The following AFF4 variants were observed in gnomAD, a reference collection of about 807,000 sequenced individuals.
AFF4 encodes the protein AF4/FMR2 family member 4.
AFF4 carries 13 observed loss-of-function variants against 124.8 expected under a neutral mutation model. That is an observed-to-expected ratio of 0.10 (90% confidence interval 0.07 to 0.17). The LOEUF (loss-of-function observed/expected upper bound fraction) is 0.17, where lower values mean the gene tolerates loss of function less well. Among genes scored for constraint, AFF4 ranks in the 10% least tolerant of loss-of-function variants. The pLI is 1.00. For synonymous variants in AFF4, 477 were observed against 496.1 expected (o/e 0.96, Z 0.51); for missense variants, 1,092 against 1,403.8 (o/e 0.78, Z 3.55).
At chr5:132,910,526 T>C (rs1196581258) in intron 5 of AFF4, among the ~76,000 whole-genome samples, 1 of 152,190 alleles carries the variant, frequency 6.6e-6, no homozygotes, top group Non-Finnish European at 1.5e-5. Context: ...TACATATAGT[T>C]AGTGCACATG....
intron 2 of AFF4, among the ~76,000 whole-genome samples, chr5:132,935,517 T>G (rs890806930): frequency 1.3e-5 from 2 of 152,118 alleles, no homozygotes; most frequent in Non-Finnish European, 2.9e-5. Flanking sequence ...ACACCTATAA[T>G]TCCAGCACTT....
chr5:132,935,827 G>C (rs886620612), intron 2 of AFF4, among the ~76,000 whole-genome samples: 1 of 151,810 alleles, frequency 6.6e-6, no homozygotes, highest in African/African-American at 2.4e-5. Flanking sequence ...AGAGGCTGAG[G>C]CAGGAGAATC....
chr5:132,905,434 C>T (rs1165075782), intron 5 of AFF4, among the ~76,000 whole-genome samples: 2 of 152,176 alleles, frequency 1.3e-5, no homozygotes, highest in Admixed American at 6.5e-5. Flanking sequence ...CCTTTAGTTA[C>T]AGAATTGTCT....
intron 1 of AFF4, among the ~76,000 whole-genome samples, chr5:132,952,785 C>T (rs902759701): frequency 5.3e-5 from 8 of 152,064 alleles, no homozygotes; most frequent in African/African-American, 1.7e-4. Context: ...GTAATTCCAC[C>T]TACTCGAGAG....
Position 132,890,909 on chromosome 5 carries a change from TAC to T in AFF4, c.2637+1253_2637+1254del, listed in dbSNP as rs927987575. Reference sequence around the variant, plus strand: ...GAACTTCTTGAAGAAACTCCTTTCTTACGTGTGATAGAAGCATACACAGTGAT... The same window carrying T: ...GAACTTCTTGAAGAAACTCCTTTCTTGTGTGATAGAAGCATACACAGTGAT... On this transcript the variant is annotated intron_variant, in intron 13 of 20. Coordinates refer to ENST00000265343, the MANE Select transcript of AFF4 (RefSeq NM_014423.4). Among the ~76,000 whole-genome samples, 8 of 152,212 alleles carry T rather than the reference TAC, an allele frequency of 5.3e-5. 1 individual carries two copies. Among genetic ancestry groups the T allele is most frequent in the East Asian group, 3.9e-4 (2 of 5,182 alleles).
In AFF4 at chr5:132,902,435, A is replaced by C; in HGVS notation, c.1133+7T>G. The C allele has an allele frequency of 1.3e-6, 2 of 1,594,862 alleles. No homozygotes were observed. Among genetic ancestry groups the C allele is most frequent in the South Asian group, 2.2e-5 (2 of 90,640 alleles). ...TAAATATTAAACTCATTAAGCAATAAACTTACGATTTAGACTGGTGCCCAT... is the reference window on the plus strand; with the variant it reads ...TAAATATTAAACTCATTAAGCAATACACTTACGATTTAGACTGGTGCCCAT... On this transcript the variant is annotated splice_region_variant and intron_variant, in intron 7 of 20. Transcript: ENST00000265343.
chr5:132,887,632 C>A (rs1265123881), intron 16 of AFF4, 40 bp from the exon 17 acceptor site: 6 of 1,572,254 alleles, frequency 3.8e-6, no homozygotes, highest in Non-Finnish European at 5.2e-6. Flanking sequence ...AAACAGAATA[C>A]TTCACCTTGA....
intron 1 of AFF4, among the ~76,000 whole-genome samples, chr5:132,946,229 A>G (rs542863284): frequency 6.6e-6 from 1 of 152,210 alleles, no homozygotes; most frequent in South Asian, 2.1e-4. Flanking sequence ...GGAATATGCA[A>G]TGGTGCAGCT....
intron 11 of AFF4, 129 bp downstream of exon 11, chr5:132,896,194 G>C: frequency 9.3e-7 from 1 of 1,080,884 alleles, no homozygotes; most frequent in East Asian, 2.4e-5. Flanking sequence ...GCCTCGCCTG[G>C]GCCTTGGGTT....
intron 20 of AFF4, among the ~76,000 whole-genome samples, chr5:132,881,582 G>A (rs1042191587): frequency 1.3e-5 from 2 of 152,180 alleles, no homozygotes; most frequent in Admixed American, 6.5e-5. Flanking sequence ...GACATTCTTT[G>A]CCTGTTTCCT....
chr5:132,896,305 C>CA lies in AFF4; in HGVS notation c.2307+17dup. ...GATTCTGATGTTTCAAAACAAACAA[C>CA]AAAAACCCTTCACAAACCTTATGCT... On this transcript the variant is annotated intron_variant, in intron 11 of 20. Coordinates refer to ENST00000265343, the MANE Select transcript of AFF4 (RefSeq NM_014423.4). 1 of 1,556,620 alleles carries CA rather than the reference C, an allele frequency of 6.4e-7. No individual in the cohort carries two copies. The highest frequency in any genetic ancestry group is 8.6e-7 in the Non-Finnish European group (1 of 1,160,252).
At chr5:132,929,444 A>T (rs1452500019) in intron 4 of AFF4, among the ~76,000 whole-genome samples, 1 of 152,192 alleles carries the variant, frequency 6.6e-6, no homozygotes, top group East Asian at 1.9e-4. Context: ...GAGGATTCAG[A>T]GGAAAATATT....
chr5:132,920,646 CA>C (rs1304110630), intron 5 of AFF4, among the ~76,000 whole-genome samples: 2 of 152,056 alleles, frequency 1.3e-5, no homozygotes, highest in African/African-American at 2.4e-5. Context: ...AGAGCCACCT[CA>C]CCCAGCCAGG....
Position 132,899,139 on chromosome 5 carries a change from A to G in AFF4, c.1191T>C (p.Asp397=). The G allele has an allele frequency of 1.2e-6, 2 of 1,612,782 alleles. No homozygotes were observed. Among genetic ancestry groups the G allele is most frequent in the Non-Finnish European group, 1.7e-6 (2 of 1,179,082 alleles). The change falls in exon 9 of 21, where the codon GAT becomes GAC. Residue 397 remains aspartate, a splice_region_variant and synonymous_variant. Transcript: ENST00000265343. ...SSSEDSDGEQ[D]CDKTMPRSTP... The stretch of plus-strand genomic sequence containing the variant: ...TACTCCTCGGCATTGTCTTATCACA[A>G]TCCTAAAATTAAAACATAAGAAAGA...
chr5:132,887,779 A>C (rs184047040), intron 16 of AFF4, 67 bp downstream of exon 16: 5 of 1,583,514 alleles, frequency 3.2e-6, no homozygotes, highest in African/African-American at 2.7e-5. Context: ...ACTATATATC[A>C]GCCTCTTCCT....
intron 3 of AFF4, among the ~76,000 whole-genome samples, chr5:132,933,060 C>T (rs1581316801): frequency 6.6e-6 from 1 of 152,148 alleles, no homozygotes; most frequent in South Asian, 2.1e-4. Context: ...TGGCTACTGA[C>T]GTCACTTTCC....
Position 132,896,173 on chromosome 5 carries a change from T to G in AFF4, c.2307+150A>C, listed in dbSNP as rs1218718166. The G allele has an allele frequency of 3.6e-6, 3 of 841,888 alleles. No individual in the cohort carries two copies. The East Asian group carries it at 7.8e-5, about 22-fold the overall frequency. 52.2% of individuals were successfully genotyped at this position (841,888 alleles called of 1,614,324 possible). On this transcript the variant is annotated intron_variant, in intron 11 of 20. Transcript: ENST00000265343. ...AAGCACAGAAATCCTCAAGAGACTG[T>G]TCCACATGTAGCCTCGCCTGGGCCT...
In AFF4 at chr5:132,924,153, C is replaced by T. The variant is rs569900309; in HGVS notation, c.1050+2968G>A. Among the ~76,000 whole-genome samples, 3 of 152,052 alleles carry T rather than the reference C, an allele frequency of 2.0e-5. No individual in the cohort carries two copies. The East Asian group carries it at 5.8e-4, about 29-fold the overall frequency. On this transcript the variant is annotated intron_variant, in intron 5 of 20. Coordinates refer to ENST00000265343, the MANE Select transcript of AFF4 (RefSeq NM_014423.4). The stretch of plus-strand genomic sequence containing the variant: ...CCTGTAATCCCAGCTACTTAGGAGG[C>T]TGAGGCAGGAGAATCGCTTGAACCC...
chr5:132,915,496 G>C (rs889672219), intron 5 of AFF4, among the ~76,000 whole-genome samples: 4 of 150,928 alleles, frequency 2.7e-5, no homozygotes, highest in African/African-American at 9.7e-5. Flanking sequence ...GGGTTAAACA[G>C]AATTCTGGAC....
Sources: allele counts gnomAD v4.1 joint callset (sites outside exome capture counted in the v4.1 genomes callset), GRCh38; gene constraint gnomAD v4.1.1; transcripts MANE v1.5; gene names NCBI Gene and HGNC (gene_info 2026-07-23, HGNC 2026-07-21).